GLI2: variants seen among roughly 807,000 people sequenced by gnomAD.
GLI2 encodes the protein GLI family zinc finger 2.
In GLI2, 22 loss-of-function variants were observed where a neutral mutation model predicts 78.9. That is an observed-to-expected ratio of 0.28 (90% confidence interval 0.20 to 0.40). The LOEUF is 0.40. Ranked by LOEUF, GLI2 falls within the 10% of genes least tolerant of loss-of-function variation. The pLI is 1.00. For synonymous variants in GLI2, 974 were observed against 963.7 expected (o/e 1.01, Z -0.20); for missense variants, 2,097 against 2,213.2 (o/e 0.95, Z 1.05).
chr2:120,873,439 A>T (rs1688568300), intron 2 of GLI2, among the ~76,000 whole-genome samples: 1 of 152,206 alleles, frequency 6.6e-6, no homozygotes, highest in Non-Finnish European at 1.5e-5. Flanking sequence ...ATTACTTTTC[A>T]ATTTGACAGA....
intron 12 of GLI2, among the ~76,000 whole-genome samples, chr2:120,985,691 G>A (rs928404538): frequency 6.6e-5 from 10 of 152,178 alleles, no homozygotes; most frequent in African/African-American, 1.7e-4. Context: ...GATGTCGTCC[G>A]AGTGGATGTT....
intron 3 of GLI2, among the ~76,000 whole-genome samples, chr2:120,933,645 TGAG>T (rs1680049482): frequency 6.6e-6 from 1 of 152,166 alleles, no homozygotes; most frequent in Non-Finnish European, 1.5e-5. Flanking sequence ...GGAGCAAGGC[TGAG>T]GTGTGGCGAG....
intron 1 of GLI2, among the ~76,000 whole-genome samples, chr2:120,761,843 C>T (rs916544197): frequency 1.3e-5 from 2 of 152,182 alleles, no homozygotes; most frequent in African/African-American, 4.8e-5. Flanking sequence ...GGGGCAGGGA[C>T]AGGGGCTCTG....
chr2:120,948,137 C>T (rs1337823241), intron 3 of GLI2, among the ~76,000 whole-genome samples: 2 of 152,202 alleles, frequency 1.3e-5, no homozygotes, highest in Non-Finnish European at 2.9e-5. Flanking sequence ...GAGTGAGGCC[C>T]GCTGGAGGGA....
Position 120,962,178 on chromosome 2 carries a change from T to G in GLI2, c.644-6536T>G, listed in dbSNP as rs114134627. 8.6e-3 allele frequency among the ~76,000 whole-genome samples: 1,306 copies of G among 152,266 alleles called. 17 individuals are homozygous for G. The highest frequency in any genetic ancestry group is 0.028 in the African/African-American group (1,167 of 41,558). On this transcript the variant is annotated intron_variant, in intron 5 of 13. Transcript: ENST00000361492. ...GCTCAAAGCTACCCAGTTCAGAGTG[T>G]GCAAGCAGGGTTGGAACCTGGGTCT...
Position 120,797,348 on chromosome 2 carries a change from T to C in GLI2, c.28T>C (p.Ser10Pro). 6.2e-7 allele frequency: 1 copy of C among 1,613,950 alleles called. No individual in the cohort carries two copies. The change falls in exon 2 of 14, where the codon TCC becomes CCC. Residue 10 changes from serine (S) to proline (P), a missense_variant. This residue lies in a region of GLI2 where 578 missense variants were observed against 612.0 expected (regional missense o/e 0.94). Coordinates refer to ENST00000361492, the MANE Select transcript of GLI2 (RefSeq NM_001374353.1). The part of the protein sequence containing the change: METSASATA[S>P]EKQEAKSGIL... The stretch of plus-strand genomic sequence containing the variant: ...GGAGACGTCTGCCTCAGCCACTGCC[T>C]CCGAGAAGCAAGAAGCCAAAAGTGG...
chr2:120,949,016 C>A (rs555645597), intron 3 of GLI2, among the ~76,000 whole-genome samples: 2 of 152,252 alleles, frequency 1.3e-5, no homozygotes, highest in South Asian at 4.2e-4. Context: ...CAGGTCTGCC[C>A]CCAGGAGCCA....
chr2:120,740,298 T>A (rs1298604742), intron 1 of GLI2, among the ~76,000 whole-genome samples: 1 of 152,200 alleles, frequency 6.6e-6, no homozygotes, highest in African/African-American at 2.4e-5. Context: ...TTGTGTTGTT[T>A]CTGGTTTCTT....
At chr2:120,869,655 G>T (rs2104670120) in intron 2 of GLI2, among the ~76,000 whole-genome samples, 1 of 152,300 alleles carries the variant, frequency 6.6e-6, no homozygotes, top group African/African-American at 2.4e-5. Flanking sequence ...CTACAGAAAG[G>T]TTTCCAGAAG....
At chr2:120,780,502 C>A (rs980341110) in intron 1 of GLI2, among the ~76,000 whole-genome samples, 1 of 152,220 alleles carries the variant, frequency 6.6e-6, no homozygotes, top group Non-Finnish European at 1.5e-5. Context: ...GGAGTTTTTC[C>A]AGCAGCGTGG....
chr2:120,837,113 G>C (rs1343220090), intron 2 of GLI2, among the ~76,000 whole-genome samples: 2 of 152,128 alleles, frequency 1.3e-5, no homozygotes, highest in African/African-American at 2.4e-5. Flanking sequence ...CTTAATCTTA[G>C]GCCGGGCGCG....
intron 2 of GLI2, among the ~76,000 whole-genome samples, chr2:120,856,093 AG>A (rs1382422767): frequency 6.6e-6 from 1 of 152,180 alleles, no homozygotes; most frequent in African/African-American, 2.4e-5. Context: ...TGACTTGAGC[AG>A]GGCTGTACAA....
intron 2 of GLI2, among the ~76,000 whole-genome samples, chr2:120,820,719 AAG>A (rs1156636119): frequency 6.6e-6 from 1 of 152,202 alleles, no homozygotes; most frequent in Non-Finnish European, 1.5e-5. Context: ...TGGAGAAGGA[AAG>A]AGTGAGCGCT....
chr2:120,984,695 C>G lies in GLI2; in HGVS notation c.1857C>G (p.Ala619=), dbSNP rs200619416. The change falls in exon 12 of 14, where the codon GCC becomes GCG. Residue 619 remains alanine (A), a synonymous_variant. Coordinates refer to ENST00000361492, the MANE Select transcript of GLI2 (RefSeq NM_001374353.1). ...CCGAGGCCAGCAGCACCAGCCAGGCCGTGGAGGACTGCCTGCACGTCAGAG... is the reference window on the plus strand; with the variant it reads ...CCGAGGCCAGCAGCACCAGCCAGGCGGTGGAGGACTGCCTGCACGTCAGAG... The part of the protein sequence containing the change: ...ESTEASSTSQ[A]VEDCLHVRAI... 1.2e-6 allele frequency: 2 copies of G among 1,613,610 alleles called. No homozygotes were observed. The highest frequency in any genetic ancestry group is 8.5e-7 in the Non-Finnish European group (1 of 1,179,980).
intron 1 of GLI2, among the ~76,000 whole-genome samples, chr2:120,791,693 T>C (rs746272108): frequency 2.0e-5 from 3 of 152,244 alleles, no homozygotes; most frequent in Non-Finnish European, 4.4e-5. Flanking sequence ...TACCTCTGCA[T>C]GTAACTACAT....
intron 2 of GLI2, among the ~76,000 whole-genome samples, chr2:120,849,300 A>G (rs1441293907): frequency 1.3e-5 from 2 of 152,248 alleles, no homozygotes; most frequent in Non-Finnish European, 1.5e-5. Flanking sequence ...ACACTTAAAA[A>G]TGGTTAAAAT....
In GLI2 at chr2:120,968,726, C is replaced by G; in HGVS notation, c.656C>G (p.Ser219Cys). ...GACTATCCCACAGTGTCCCGTTTCT[C>G]CAGCCCGCGGGTGACGCCCCGCCTG... ...YLNPVDVSRF[S>C]SPRVTPRLSR... The change falls in exon 6 of 14, where the codon TCC (serine) becomes TGC (cysteine). Residue 219 changes from serine (S) to cysteine (C), a missense_variant. Transcript: ENST00000361492. 2 of 1,613,236 alleles carry G rather than the reference C, an allele frequency of 1.2e-6. No homozygotes were observed. Among genetic ancestry groups the G allele is most frequent in the Non-Finnish European group, 1.7e-6 (2 of 1,179,616 alleles).
intron 1 of GLI2, among the ~76,000 whole-genome samples, chr2:120,784,667 T>C (rs946979487): frequency 3.9e-5 from 6 of 152,102 alleles, no homozygotes; most frequent in Middle Eastern, 3.2e-3. Context: ...TTGCCCTGCC[T>C]CCTGCTCGCC....
chr2:120,940,157 A>G (rs980019635), intron 3 of GLI2, among the ~76,000 whole-genome samples: 6 of 152,120 alleles, frequency 3.9e-5, no homozygotes, highest in African/African-American at 1.2e-4. Flanking sequence ...TTTGCACACT[A>G]AGGTTACTCA....
Sources: gnomAD v4.1 joint callset for allele counts (sites outside exome capture counted in the v4.1 genomes callset) on GRCh38, gnomAD v4.1.1 for gene constraint, gnomAD v4.1.1 regional missense constraint, MANE v1.5 for transcripts, NCBI Gene and HGNC (gene_info 2026-07-23, HGNC 2026-07-21) for gene names.